CELF2: variants seen among roughly 807,000 people sequenced by gnomAD.
CELF2 encodes the protein CUG triplet repeat RNA-binding protein 2.
A neutral mutation model predicts 62.6 loss-of-function variants in CELF2; 8 were observed. The observed-to-expected ratio is 0.13, with a 90% CI of 0.07 to 0.23. The LOEUF (loss-of-function observed/expected upper bound fraction) is 0.23, where lower values mean the gene tolerates loss of function less well. Among genes scored for constraint, CELF2 ranks in the 10% least tolerant of loss-of-function variants. The pLI, the probability that CELF2 is intolerant of heterozygous loss-of-function variation, is 1.00. For missense variants in CELF2, 333 were observed against 671.0 expected (o/e 0.50, Z 5.56); for synonymous variants, 258 against 250.0 (o/e 1.03, Z -0.30).
chr10:11,077,600 T>C (rs1474770981), intron 1 of CELF2, among the ~76,000 whole-genome samples: 1 of 152,198 alleles, frequency 6.6e-6, no homozygotes, highest in Non-Finnish European at 1.5e-5. Context: ...AAAAAATACC[T>C]ATTATTACTT....
Position 11,333,514 on chromosome 10 carries a change from TTTGTTTTTA to T in CELF2, c.*4464_*4472del, listed in dbSNP as rs2096066922. 2 of 152,562 alleles carry T rather than the reference TTTGTTTTTA, an allele frequency of 1.3e-5. No homozygotes were observed. Among genetic ancestry groups the T allele is most frequent in the Non-Finnish European group, 1.5e-5 (1 of 68,022 alleles). 9.5% of individuals were successfully genotyped at this position (152,562 alleles called of 1,614,324 possible). ...GTGCTACTCTGGAATCATTTTACTG[TTTGTTTTTA>T]TTATCTTAAGTGCTAATTAAAAAAA... is the stretch of plus-strand genomic sequence containing the variant. On this transcript the variant is annotated 3_prime_UTR_variant, in exon 13 of 13. Transcript: ENST00000633077.
chr10:10,852,200 G>A (rs1474913618), intron 1 of CELF2, among the ~76,000 whole-genome samples: 3 of 152,178 alleles, frequency 2.0e-5, no homozygotes, highest in African/African-American at 7.2e-5. Context: ...CAACCCAGAT[G>A]TCCTTCAGTG....
intron 1 of CELF2, among the ~76,000 whole-genome samples, chr10:10,879,282 C>T (rs2061301109): frequency 6.6e-6 from 1 of 152,200 alleles, no homozygotes; most frequent in South Asian, 2.1e-4. Context: ...CTGTGTCTCC[C>T]AGAGTGCCCG....
chr10:10,498,229 C>T, the CELF2 span, among the ~76,000 whole-genome samples: 2 of 152,148 alleles, frequency 1.3e-5, no homozygotes, highest in Non-Finnish European at 2.9e-5. Context: ...AGCTCAGAAA[C>T]GTGCCATCTG....
chr10:10,637,957 A>C, the CELF2 span, among the ~76,000 whole-genome samples: 72 of 152,342 alleles, frequency 4.7e-4, no homozygotes, highest in Admixed American at 9.2e-4. Context: ...AAGAAAAATC[A>C]TAAGGTTATT....
At chr10:11,131,577 A>G (rs762646972) in intron 1 of CELF2, among the ~76,000 whole-genome samples, 35 of 152,310 alleles carry the variant, frequency 2.3e-4, no homozygotes, top group Middle Eastern at 3.4e-3. Context: ...ACATCTATCA[A>G]TCACGGGCCA....
chr10:10,811,078 G>A (rs1590660847), intron 1 of CELF2, among the ~76,000 whole-genome samples: 1 of 152,176 alleles, frequency 6.6e-6, no homozygotes, highest in Admixed American at 6.5e-5. Flanking sequence ...CGGAGCCTTG[G>A]ATCAGGAGAG....
At chr10:11,187,818 A>C (rs1456270308) in intron 2 of CELF2, among the ~76,000 whole-genome samples, 1 of 152,210 alleles carries the variant, frequency 6.6e-6, no homozygotes, top group Non-Finnish European at 1.5e-5. Context: ...ACATGTTAAA[A>C]TACATCCACA....
rs116019926 is a variant in CELF2 at position 11,112,286 on chromosome 10, T to G, written c.75-53200T>G. Among the ~76,000 whole-genome samples the G allele has an allele frequency of 8.0e-3, 1,217 of 152,330 alleles. 19 individuals carry two copies. Among genetic ancestry groups the G allele is most frequent in the African/African-American group, 0.027 (1,136 of 41,562 alleles). The stretch of plus-strand genomic sequence containing the variant: ...AGCTTTTTCCTTTCTTTGAGATGTA[T>G]CTCAGGAGGTAGAAAGCACCATCAA... On this transcript the variant is annotated intron_variant, in intron 1 of 12. Transcript: ENST00000633077.
At chr10:10,937,282 C>T (rs543165765) in intron 2 of CELF2, among the ~76,000 whole-genome samples, 2 of 152,076 alleles carry the variant, frequency 1.3e-5, no homozygotes, top group East Asian at 3.9e-4. Flanking sequence ...TAGGCAAGTG[C>T]CACCATGCCC....
chr10:10,760,325 G>A, the CELF2 span, among the ~76,000 whole-genome samples: 7 of 152,144 alleles, frequency 4.6e-5, no homozygotes, highest in Admixed American at 2.6e-4. Flanking sequence ...GGAGTGTTCT[G>A]CTGTTGGCTC....
At position 10,931,960 on chromosome 10, in the gene CELF2, T is replaced by C. The variant is rs2066111927; in HGVS notation, c.89+11961T>C. ...AACTGCCCTTTATAAAACCATCACA[T>C]CTCATGAGTCTTATTCACTATCATG... On this transcript the variant is annotated intron_variant, in intron 2 of 13. Transcript: ENST00000636488. The surrounding 1 kb of genome is among the most constrained non-coding windows in gnomAD (Gnocchi z 6.1). Among the ~76,000 whole-genome samples, 2 of 152,048 alleles carry C rather than the reference T, an allele frequency of 1.3e-5. No homozygotes were observed. The highest frequency in any genetic ancestry group is 4.8e-5 in the African/African-American group (2 of 41,388).
At chr10:10,563,780 C>G in the CELF2 span, among the ~76,000 whole-genome samples, 11 of 152,026 alleles carry the variant, frequency 7.2e-5, no homozygotes, top group African/African-American at 2.4e-5. Flanking sequence ...TTCTGTGGAC[C>G]TGCAGAAACA....
intron 2 of CELF2, among the ~76,000 whole-genome samples, chr10:11,206,850 C>G (rs1209637749): frequency 1.3e-5 from 2 of 152,190 alleles, no homozygotes; most frequent in African/African-American, 2.4e-5. Context: ...AAGAAGACTC[C>G]TTGCTTTCTT....
intron 1 of CELF2, among the ~76,000 whole-genome samples, chr10:11,009,543 G>A (rs1478072545): frequency 4.6e-5 from 7 of 152,078 alleles, no homozygotes; most frequent in Admixed American, 1.3e-4. Flanking sequence ...GACTGATCCG[G>A]CACATTTTCT....
intron 2 of CELF2, among the ~76,000 whole-genome samples, chr10:10,950,324 G>GCTT (rs1363386923): frequency 1.3e-5 from 2 of 152,138 alleles, no homozygotes; most frequent in Non-Finnish European, 2.9e-5. Context: ...ACTCTCATGT[G>GCTT]CTTCTCTCTG....
the CELF2 span, among the ~76,000 whole-genome samples, chr10:10,599,725 CTT>C: frequency 8.2e-5 from 11 of 134,538 alleles, no homozygotes; most frequent in Non-Finnish European, 7.9e-5. Context: ...TTCTTTCTTT[CTT>C]TTTTTTTTTT....
chr10:10,690,556 G>A, the CELF2 span, among the ~76,000 whole-genome samples: 7 of 152,176 alleles, frequency 4.6e-5, no homozygotes, highest in South Asian at 1.4e-3. Flanking sequence ...CAACAGTGCA[G>A]GACCAGAAGA....
At chr10:10,593,719 C>T in the CELF2 span, among the ~76,000 whole-genome samples, 1 of 152,138 alleles carries the variant, frequency 6.6e-6, no homozygotes, top group Non-Finnish European at 1.5e-5. Context: ...TTAAATGGAC[C>T]ATCTAGGCAA....
Sources: gnomAD v4.1 joint callset for allele counts (sites outside exome capture counted in the v4.1 genomes callset) on GRCh38, gnomAD v4.1.1 for gene constraint, Gnocchi (gnomAD v3.1) non-coding constraint, MANE v1.5 for transcripts, NCBI Gene and HGNC (gene_info 2026-07-23, HGNC 2026-07-21) for gene names.